LINGO1: variants seen among roughly 807,000 people sequenced by gnomAD.
LINGO1 encodes leucine-rich repeat and immunoglobulin-like domain-containing nogo receptor-interacting protein 1.
LINGO1 carries 11 observed loss-of-function variants against 37.3 expected under a neutral mutation model. The ratio of observed to expected loss-of-function variants is 0.29; its 90% CI spans 0.19 to 0.49. The LOEUF (loss-of-function observed/expected upper bound fraction) is 0.49. LINGO1 is among the 20% of genes least tolerant of loss of function. The pLI, the probability that LINGO1 is intolerant of heterozygous loss-of-function variation, is 0.99. For missense variants in LINGO1, 585 were observed against 878.2 expected (o/e 0.67, Z 4.22); for synonymous variants, 387 against 403.0 (o/e 0.96, Z 0.48).
intron 1 of LINGO1, among the ~76,000 whole-genome samples, chr15:77,809,426 T>C (rs1357408924): frequency 6.6e-6 from 1 of 152,152 alleles, no homozygotes; most frequent in Non-Finnish European, 1.5e-5. Context: ...ATTTGTAAAA[T>C]GGAGTCGATA....
chr15:77,736,600 A>G (rs939694800), intron 1 of LINGO1, among the ~76,000 whole-genome samples: 3 of 151,862 alleles, frequency 2.0e-5, no homozygotes, highest in Non-Finnish European at 4.4e-5. Context: ...CTGTCTCTAC[A>G]AAAAAAATAA....
chr15:77,806,124 A>C (rs2076957654), intron 1 of LINGO1, among the ~76,000 whole-genome samples: 1 of 152,188 alleles, frequency 6.6e-6, no homozygotes, highest in Non-Finnish European at 1.5e-5. Flanking sequence ...GCCTCATTGC[A>C]AACAGCGATG....
chr15:77,661,983 C>T lies in LINGO1; in HGVS notation c.-13+15106G>A, dbSNP rs149905704. Among the ~76,000 whole-genome samples the T allele has an allele frequency of 1.1e-3, 163 of 152,284 alleles. 1 individual carries two copies. The highest frequency in any genetic ancestry group is 1.1e-3 in the Non-Finnish European group (78 of 68,010). ...GGATGCTGCCTGCACCCACCCTGCC[C>T]GACTCCCCTCAACGGGAGCTTCCAT... On this transcript the variant is annotated intron_variant, in intron 3 of 3. Coordinates refer to the LINGO1 transcript ENST00000559893.
intron 3 of LINGO1, among the ~76,000 whole-genome samples, chr15:77,671,341 A>AG (rs900754399): frequency 6.6e-6 from 1 of 151,712 alleles, no homozygotes; most frequent in Non-Finnish European, 1.5e-5. Flanking sequence ...TAGGGAGGAG[A>AG]GGGGGTGAGA....
chr15:77,693,244 C>A (rs1420134481), intron 1 of LINGO1, among the ~76,000 whole-genome samples: 1 of 152,188 alleles, frequency 6.6e-6, no homozygotes, highest in Non-Finnish European at 1.5e-5. Context: ...GGCTAGGATT[C>A]ACTGGGGTAC....
chr15:77,739,053 C>G (rs1278065808), intron 1 of LINGO1, among the ~76,000 whole-genome samples: 1 of 152,226 alleles, frequency 6.6e-6, no homozygotes, highest in Non-Finnish European at 1.5e-5. Context: ...ACAGGCCCAG[C>G]AGCCCCCACC....
intron 3 of LINGO1, among the ~76,000 whole-genome samples, chr15:77,642,172 T>C (rs189031457): frequency 2.7e-3 from 406 of 152,322 alleles, no homozygotes; most frequent in African/African-American, 9.4e-3. Flanking sequence ...GAGGCTTCCG[T>C]CTGCCTGGCT....
chr15:77,642,587 GGCAGTC>G (rs1372418007), intron 3 of LINGO1, among the ~76,000 whole-genome samples: 1 of 152,164 alleles, frequency 6.6e-6, no homozygotes, highest in Non-Finnish European at 1.5e-5. Context: ...AGGCCAGGAG[GGCAGTC>G]TGGGCCTAGG....
intron 2 of LINGO1, among the ~76,000 whole-genome samples, chr15:77,688,675 TTATTTA>T (rs2075553613): frequency 6.6e-6 from 1 of 152,146 alleles, no homozygotes; most frequent in Admixed American, 6.5e-5. Context: ...CCACGGTTGG[TTATTTA>T]TACCCCACCT....
intron 2 of LINGO1, among the ~76,000 whole-genome samples, chr15:77,685,691 T>TGA (rs370764060): frequency 5.8e-5 from 8 of 137,720 alleles, no homozygotes; most frequent in African/African-American, 2.1e-4. Flanking sequence ...GACCCCGTCT[T>TGA]AAAAAAAAAA....
chr15:77,651,038 T>C (rs1202862287), intron 3 of LINGO1, among the ~76,000 whole-genome samples: 7 of 149,932 alleles, frequency 4.7e-5, no homozygotes, highest in African/African-American at 2.5e-5. Context: ...AGAAAAGGAG[T>C]GTAGAGAAGG....
chr15:77,769,031 A>G (rs2076557797), intron 1 of LINGO1, among the ~76,000 whole-genome samples: 2 of 152,264 alleles, frequency 1.3e-5, no homozygotes, highest in African/African-American at 4.8e-5. Flanking sequence ...AATGGCTCCC[A>G]CTGCTGTCAG....
chr15:77,658,321 T>A (rs1230058627), intron 3 of LINGO1, among the ~76,000 whole-genome samples: 1 of 152,184 alleles, frequency 6.6e-6, no homozygotes, highest in East Asian at 1.9e-4. Flanking sequence ...GATGGGAAAC[T>A]GAGGCCCAGA....
rs1297107771 is a variant in LINGO1 at position 77,672,634 on chromosome 15, C to T, written c.-13+4455G>A. ...TCTGCCTTTCAGTGTCAGCCCCACA[C>T]CTGTGAGGCGATGACCCTGGACATG... On this transcript the variant is annotated intron_variant, in intron 3 of 3. Coordinates refer to the LINGO1 transcript ENST00000559893. Among the ~76,000 whole-genome samples, 3 of 152,292 alleles carry T rather than the reference C, an allele frequency of 2.0e-5. No individual in the cohort carries two copies. In the East Asian group the frequency reaches 5.8e-4, roughly 29 times the overall value.
chr15:77,672,641 G>A (rs1231052288), intron 3 of LINGO1, among the ~76,000 whole-genome samples: 1 of 152,178 alleles, frequency 6.6e-6, no homozygotes, highest in African/African-American at 2.4e-5. Flanking sequence ...ACACCTGTGA[G>A]GCGATGACCC....
At chr15:77,638,587 G>A (rs546470772), upstream of LINGO1, among the ~76,000 whole-genome samples, 4 of 152,286 alleles carry the variant, frequency 2.6e-5, no homozygotes, top group South Asian at 8.3e-4. Context: ...TTCATTAAGC[G>A]CTTGCCTTAA....
At chr15:77,782,559 C>T (rs1312167834) in intron 1 of LINGO1, among the ~76,000 whole-genome samples, 2 of 152,146 alleles carry the variant, frequency 1.3e-5, no homozygotes, top group South Asian at 2.1e-4. Flanking sequence ...TCCTCAAACC[C>T]GGCAAGTCCA....
chr15:77,786,142 C>T (rs1203615182), intron 1 of LINGO1, among the ~76,000 whole-genome samples: 1 of 152,194 alleles, frequency 6.6e-6, no homozygotes, highest in African/African-American at 2.4e-5. Context: ...CGTTAAGACA[C>T]AGCCCACAAA....
chr15:77,729,511 C>T (rs1418589700), intron 2 of LINGO1, among the ~76,000 whole-genome samples: 1 of 152,212 alleles, frequency 6.6e-6, no homozygotes, highest in African/African-American at 2.4e-5. Flanking sequence ...GCAGGGCAAG[C>T]ATCAGGGGCT....
Sources: gnomAD v4.1 joint callset for allele counts (sites outside exome capture counted in the v4.1 genomes callset) on GRCh38, gnomAD v4.1.1 for gene constraint, MANE v1.5 for transcripts, NCBI Gene and HGNC (gene_info 2026-07-23, HGNC 2026-07-21) for gene names.